SH3BP4: variants seen among roughly 807,000 people sequenced by gnomAD.
SH3BP4 encodes SH3 domain-binding protein 4.
A neutral mutation model predicts 65.5 loss-of-function variants in SH3BP4; 33 were observed. The observed-to-expected ratio is 0.50, with a 90% CI of 0.38 to 0.67. The LOEUF (loss-of-function observed/expected upper bound fraction) is 0.67. Ranked by LOEUF, SH3BP4 falls within the 30% of genes least tolerant of loss-of-function variation. The probability of loss-of-function intolerance (pLI) is 0.00; values close to 1 mark genes in which losing one functional copy is unlikely to be tolerated. For missense variants in SH3BP4, 1,134 were observed against 1,261.4 expected (o/e 0.90, Z 1.53); for synonymous variants, 552 against 545.5 (o/e 1.01, Z -0.17).
At chr2:234,956,387 C>G (rs867845123) in intron 1 of SH3BP4, among the ~76,000 whole-genome samples, 10 of 152,294 alleles carry the variant, frequency 6.6e-5, no homozygotes, top group African/African-American at 2.4e-4. Context: ...AAATGACATA[C>G]TAATGAGATT....
chr2:235,038,249 TTA>T (rs1315301342), intron 3 of SH3BP4, among the ~76,000 whole-genome samples: 1 of 34,430 alleles, frequency 2.9e-5, no homozygotes, highest in Non-Finnish European at 4.7e-5. Flanking sequence ...TATATATATA[TTA>T]TATATAATAT....
chr2:234,987,962 G>A (rs889994545), intron 1 of SH3BP4, among the ~76,000 whole-genome samples: 6 of 152,252 alleles, frequency 3.9e-5, no homozygotes, highest in East Asian at 3.9e-4. Context: ...CCAAGATGGC[G>A]CCATGACACA....
chr2:234,970,023 TCA>T lies in SH3BP4; in HGVS notation c.-207+17859_-207+17860del, dbSNP rs1044217783. Among the ~76,000 whole-genome samples the T allele has an allele frequency of 7.9e-4, 118 of 149,716 alleles. No individual in the cohort carries two copies. In the Middle Eastern group the frequency reaches 0.01, roughly 13 times the overall value. ...CTCGCTGTCTCACACACACACACTG[TCA>T]CACACTCACAAATACACTTACTCAC... On this transcript the variant is annotated intron_variant, in intron 1 of 5. Coordinates refer to ENST00000392011, the MANE Select transcript of SH3BP4 (RefSeq NM_014521.3).
chr2:235,006,840 A>T (rs1346158362), intron 2 of SH3BP4, among the ~76,000 whole-genome samples: 1 of 151,908 alleles, frequency 6.6e-6, no homozygotes, highest in Non-Finnish European at 1.5e-5. Context: ...AGGGAGGGGG[A>T]CTAGGGCAGG....
intron 4 of SH3BP4, among the ~76,000 whole-genome samples, chr2:235,048,020 C>T (rs927250690): frequency 7.2e-5 from 11 of 152,054 alleles, no homozygotes; most frequent in Middle Eastern, 3.4e-3. Flanking sequence ...CGCATTGGGG[C>T]GGGAAAGACT....
At position 235,020,460 on chromosome 2, in the gene SH3BP4, G is replaced by A. The variant is rs146020255; in HGVS notation, c.-132-14411G>A. On this transcript the variant is annotated intron_variant, in intron 2 of 5. Transcript: ENST00000392011. ...TGCAGTGAGCCGAAATTGTACCACT[G>A]CACTCTAGCCTGGGTGACAGAGCAA... Among the ~76,000 whole-genome samples, 650 of 152,202 alleles carry A rather than the reference G, an allele frequency of 4.3e-3. 4 individuals carry two copies. The highest frequency in any genetic ancestry group is 0.015 in the African/African-American group (629 of 41,516).
chr2:234,971,463 TA>T (rs1265536010), intron 1 of SH3BP4, among the ~76,000 whole-genome samples: 1 of 152,262 alleles, frequency 6.6e-6, no homozygotes, highest in African/African-American at 2.4e-5. Context: ...GGTGTGCAGA[TA>T]TCTCTTTGAG....
In SH3BP4 at chr2:235,054,136, G is replaced by C. The variant is rs138751391; in HGVS notation, c.*320G>C. ...ATCTAATTTTTTTATGGACCATAAA[G>C]GTTTAAAAGAAAATAGGGGCACAGG... On this transcript the variant is annotated 3_prime_UTR_variant, in exon 6 of 6. Transcript: ENST00000392011. 2,486 of 278,770 alleles carry C rather than the reference G, an allele frequency of 8.9e-3. 61 individuals carry two copies. The highest frequency in any genetic ancestry group is 0.049 in the African/African-American group (2,309 of 47,028). 17.3% of individuals were successfully genotyped at this position (278,770 alleles called of 1,614,324 possible).
chr2:235,031,809 C>T (rs963126655), intron 2 of SH3BP4, among the ~76,000 whole-genome samples: 4 of 152,238 alleles, frequency 2.6e-5, no homozygotes, highest in African/African-American at 9.6e-5. Flanking sequence ...GTTCCTGTTA[C>T]CGCCCTAGGC....
chr2:234,957,949 G>T (rs1413781520), intron 1 of SH3BP4, among the ~76,000 whole-genome samples: 1 of 152,112 alleles, frequency 6.6e-6, no homozygotes, highest in Non-Finnish European at 1.5e-5. Context: ...CCCCCAACAG[G>T]TCTGTCCTCC....
chr2:235,008,658 A>G (rs906801439), intron 2 of SH3BP4: 1 of 151,648 alleles, frequency 6.6e-6, no homozygotes, highest in Non-Finnish European at 1.5e-5. Flanking sequence ...ACCTCTCCCT[A>G]CTCGCTGTAA....
chr2:234,999,747 A>G (rs946480628), intron 2 of SH3BP4, among the ~76,000 whole-genome samples: 4 of 152,238 alleles, frequency 2.6e-5, no homozygotes, highest in African/African-American at 9.6e-5. Context: ...ACAGGGCAGG[A>G]TTATTGGAAT....
intron 1 of SH3BP4, among the ~76,000 whole-genome samples, chr2:234,957,628 A>G (rs897592053): frequency 6.6e-6 from 1 of 151,916 alleles, no homozygotes; most frequent in Admixed American, 6.6e-5. Context: ...AGCTTAAAAA[A>G]ACAACAATCC....
intron 1 of SH3BP4, among the ~76,000 whole-genome samples, chr2:234,960,599 A>T (rs1286993907): frequency 6.6e-6 from 1 of 152,116 alleles, no homozygotes; most frequent in East Asian, 1.9e-4. Flanking sequence ...GCCACCTGTG[A>T]TTTTCAGAAC....
chr2:234,996,150 C>T (rs2106276296), intron 2 of SH3BP4, among the ~76,000 whole-genome samples: 1 of 152,296 alleles, frequency 6.6e-6, no homozygotes, highest in Non-Finnish European at 1.5e-5. Flanking sequence ...TCTTTCCCCA[C>T]CAAGTAGAAA....
chr2:235,044,568 G>A (rs146792816), intron 4 of SH3BP4, among the ~76,000 whole-genome samples: 5 of 152,232 alleles, frequency 3.3e-5, no homozygotes, highest in African/African-American at 7.2e-5. Flanking sequence ...GGCGTGTGCC[G>A]CTCTTCCTCG....
intron 1 of SH3BP4, among the ~76,000 whole-genome samples, chr2:234,971,498 T>A (rs1309726424): frequency 6.6e-6 from 1 of 152,260 alleles, no homozygotes; most frequent in Admixed American, 6.5e-5. Context: ...CTCTTTTGGG[T>A]ATATTCCCAG....
chr2:235,048,394 G>C (rs1376936791), intron 4 of SH3BP4, among the ~76,000 whole-genome samples: 10 of 152,094 alleles, frequency 6.6e-5, no homozygotes, highest in Non-Finnish European at 1.5e-4. Flanking sequence ...GCAGTGGTGT[G>C]ATCACAGCTC....
chr2:235,053,101 A>C (rs2106346594), intron 5 of SH3BP4, among the ~76,000 whole-genome samples: 1 of 152,320 alleles, frequency 6.6e-6, no homozygotes, highest in South Asian at 2.1e-4. Flanking sequence ...TCTGGACTGG[A>C]GTGATACCTG....
Sources: allele counts gnomAD v4.1 joint callset (sites outside exome capture counted in the v4.1 genomes callset), GRCh38; gene constraint gnomAD v4.1.1; transcripts MANE v1.5; gene names NCBI Gene and HGNC (gene_info 2026-07-23, HGNC 2026-07-21).